UVRAG: variants seen among roughly 807,000 people sequenced by gnomAD.
The protein encoded by UVRAG is UV radiation resistance-associated gene protein.
UVRAG carries 19 observed loss-of-function variants against 78.0 expected under a neutral mutation model. That is an observed-to-expected ratio of 0.24 (90% confidence interval 0.17 to 0.36). The LOEUF is 0.36. UVRAG is among the 10% of genes least tolerant of loss of function. The probability of loss-of-function intolerance (pLI) is 1.00; values close to 1 mark genes in which losing one functional copy is unlikely to be tolerated. For missense variants in UVRAG, 740 were observed against 853.8 expected (o/e 0.87, Z 1.66); for synonymous variants, 323 against 324.6 (o/e 1.00, Z 0.05).
At chr11:75,984,872 C>A (rs1949466544) in intron 8 of UVRAG, among the ~76,000 whole-genome samples, 3 of 152,186 alleles carry the variant, frequency 2.0e-5, no homozygotes, top group Admixed American at 2.0e-4. Flanking sequence ...TATTTATCTA[C>A]TCTTGCTGTT....
intron 1 of UVRAG, among the ~76,000 whole-genome samples, chr11:75,829,351 C>A (rs181034259): frequency 4.3e-4 from 65 of 152,310 alleles, no homozygotes; most frequent in African/African-American, 1.2e-3. Flanking sequence ...CAGACATTAA[C>A]ATTTTAGCAA....
At chr11:75,870,681 T>G (rs760186194) in intron 3 of UVRAG, among the ~76,000 whole-genome samples, 8 of 152,182 alleles carry the variant, frequency 5.3e-5, no homozygotes, top group Non-Finnish European at 1.0e-4. Context: ...CAGGAAGAGA[T>G]GACTTCATTT....
chr11:75,948,881 G>A (rs923596819), intron 6 of UVRAG, among the ~76,000 whole-genome samples: 1 of 152,138 alleles, frequency 6.6e-6, no homozygotes, highest in African/African-American at 2.4e-5. Context: ...GTAAGTTTAT[G>A]GATTGTGATA....
intron 13 of UVRAG, among the ~76,000 whole-genome samples, chr11:76,103,393 C>T (rs1307927939): frequency 1.3e-5 from 2 of 151,992 alleles, no homozygotes; most frequent in Admixed American, 6.6e-5. Flanking sequence ...TTTTGTGATA[C>T]CCAATCACAC....
At chr11:76,118,335 C>CA (rs1470751325) in intron 14 of UVRAG, among the ~76,000 whole-genome samples, 4 of 152,110 alleles carry the variant, frequency 2.6e-5, no homozygotes, top group Non-Finnish European at 5.9e-5. Flanking sequence ...TGTATACAAT[C>CA]ATATTTTTAG....
At chr11:76,075,808 GT>G (rs1951394770) in intron 13 of UVRAG, among the ~76,000 whole-genome samples, 1 of 152,064 alleles carries the variant, frequency 6.6e-6, no homozygotes, top group East Asian at 1.9e-4. Context: ...TAGATTTGCT[GT>G]TCTGGACATT....
chr11:75,923,003 C>CATATAT lies in UVRAG; in HGVS notation c.593+10979_593+10984dup, dbSNP rs147448761. On this transcript the variant is annotated intron_variant, in intron 6 of 14. Coordinates refer to ENST00000356136, the MANE Select transcript of UVRAG (RefSeq NM_003369.4). ...AAAAATATATATACATATATTTTTT[C>CATATAT]ATATATATATATATATATATGTTCG... Among the ~76,000 whole-genome samples the CATATAT allele has an allele frequency of 4.8e-3, 672 of 138,734 alleles. 5 individuals carry two copies. Among genetic ancestry groups the CATATAT allele is most frequent in the African/African-American group, 0.016 (605 of 37,744 alleles). The allele number at this position is 138,734 out of a possible 152,430, so 91.0% of individuals were successfully genotyped here.
intron 6 of UVRAG, among the ~76,000 whole-genome samples, chr11:75,935,764 A>G (rs1156810400): frequency 6.6e-6 from 1 of 152,208 alleles, no homozygotes. Flanking sequence ...GTACTCCCAA[A>G]ATAAATCATG....
At chr11:76,083,575 A>G (rs1335665572) in intron 13 of UVRAG, among the ~76,000 whole-genome samples, 5 of 152,206 alleles carry the variant, frequency 3.3e-5, no homozygotes, top group African/African-American at 7.2e-5. Context: ...AGAAAGTGAG[A>G]GAAACAATGT....
At position 76,143,566 on chromosome 11, in the gene UVRAG, C is replaced by T. The variant is rs1323606542; in HGVS notation, c.*2153C>T. ...AGGTGCCTACACATTTGCCTCGACC[C>T]ACACAGCCCCGTGGTGATGCCTCAA... On this transcript the variant is annotated 3_prime_UTR_variant, in exon 15 of 15. Transcript: ENST00000356136. 6.6e-6 allele frequency among the ~76,000 whole-genome samples: 1 copy of T among 151,874 alleles called. No individual in the cohort carries two copies. The highest frequency in any genetic ancestry group is 2.4e-5 in the African/African-American group (1 of 41,296).
intron 3 of UVRAG, among the ~76,000 whole-genome samples, chr11:75,877,866 A>T (rs1216408192): frequency 1.2e-5 from 1 of 85,682 alleles, no homozygotes; most frequent in Non-Finnish European, 2.3e-5. Flanking sequence ...CGGGGGGCTG[A>T]CCCCCCCACC....
intron 12 of UVRAG, among the ~76,000 whole-genome samples, chr11:76,050,984 A>T (rs1950854564): frequency 6.6e-6 from 1 of 152,212 alleles, no homozygotes; most frequent in Admixed American, 6.5e-5. Flanking sequence ...CAAAATAGGT[A>T]TCAGCACAAA....
At chr11:75,938,556 G>C (rs1348515451) in intron 6 of UVRAG, among the ~76,000 whole-genome samples, 1 of 152,114 alleles carries the variant, frequency 6.6e-6, no homozygotes, top group Non-Finnish European at 1.5e-5. Flanking sequence ...CTGTACTAGA[G>C]CAGCATCAAG....
intron 6 of UVRAG, chr11:75,942,215 A>C (rs902174174): frequency 1.3e-5 from 2 of 153,108 alleles, no homozygotes; most frequent in African/African-American, 2.4e-5. Context: ...TGTGAATATC[A>C]GCAATTTTCT....
intron 14 of UVRAG, among the ~76,000 whole-genome samples, chr11:76,121,125 T>C (rs1952266309): frequency 6.6e-6 from 1 of 152,256 alleles, no homozygotes; most frequent in Non-Finnish European, 1.5e-5. Context: ...AAAGAAAAGC[T>C]GTGATAAAAA....
intron 13 of UVRAG, among the ~76,000 whole-genome samples, chr11:76,111,109 ATGTT>A (rs960496812): frequency 1.6e-4 from 24 of 152,096 alleles, no homozygotes; most frequent in African/African-American, 5.1e-4. Flanking sequence ...CCGCCTGAAT[ATGTT>A]TGTTTAAGTC....
intron 1 of UVRAG, chr11:75,839,043 G>A (rs1359950071): frequency 6.6e-6 from 1 of 152,112 alleles, no homozygotes; most frequent in Admixed American, 6.5e-5. Flanking sequence ...AGATTTTTTG[G>A]TCTGTGCCAA....
intron 9 of UVRAG, among the ~76,000 whole-genome samples, chr11:76,006,088 AGG>A (rs1949931856): frequency 6.6e-6 from 1 of 152,172 alleles, no homozygotes; most frequent in African/African-American, 2.4e-5. Flanking sequence ...GAGGCTGTCT[AGG>A]AGCCCCTGCC....
intron 9 of UVRAG, among the ~76,000 whole-genome samples, chr11:76,007,270 T>G (rs1403331128): frequency 1.3e-5 from 2 of 152,000 alleles, no homozygotes. Flanking sequence ...ATTATGGGAG[T>G]GAGCCACCAC....
Sources: allele counts gnomAD v4.1 joint callset (sites outside exome capture counted in the v4.1 genomes callset), GRCh38; gene constraint gnomAD v4.1.1; transcripts MANE v1.5; gene names NCBI Gene and HGNC (gene_info 2026-07-23, HGNC 2026-07-21).